The following SYNDIG1L variants were observed in gnomAD, a reference collection of about 807,000 sequenced individuals.
SYNDIG1L encodes synapse differentiation-inducing gene protein 1-like.
Under a neutral mutation model 20.1 loss-of-function variants are expected in SYNDIG1L, and 13 were observed. That is an observed-to-expected ratio of 0.65 (90% CI 0.42 to 1.03). The LOEUF (loss-of-function observed/expected upper bound fraction) is 1.03, where lower values mean the gene tolerates loss of function less well. SYNDIG1L is among the 50% of genes least tolerant of loss of function. SYNDIG1L has a pLI of 0.00. For missense variants in SYNDIG1L, 294 were observed against 305.1 expected (o/e 0.96, Z 0.27); for synonymous variants, 128 against 129.3 (o/e 0.99, Z 0.07).
At chr14:74,448,514 A>G in the SYNDIG1L span, among the ~76,000 whole-genome samples, 232 of 152,288 alleles carry the variant, frequency 1.5e-3, no homozygotes, top group African/African-American at 5.3e-3. Context: ...ATAGAATTGC[A>G]AGAAGAAACA....
chr14:74,417,489 A>T (rs1017078817), intron 1 of SYNDIG1L, among the ~76,000 whole-genome samples: 20 of 152,248 alleles, frequency 1.3e-4, no homozygotes, highest in African/African-American at 4.8e-4. Flanking sequence ...ACCCTGTAAA[A>T]TGGTAACAGC....
chr14:74,475,229 T>C, the SYNDIG1L span, among the ~76,000 whole-genome samples: 1 of 151,614 alleles, frequency 6.6e-6, no homozygotes, highest in African/African-American at 2.4e-5. Flanking sequence ...ATAATAATAA[T>C]ACTAACGACC....
the SYNDIG1L span, among the ~76,000 whole-genome samples, chr14:74,454,552 T>C: frequency 8.6e-5 from 13 of 151,998 alleles, no homozygotes; most frequent in Middle Eastern, 3.4e-3. Context: ...ATAGGCACAA[T>C]GCCAAAAACC....
upstream of SYNDIG1L, among the ~76,000 whole-genome samples, chr14:74,429,865 G>A (rs1346338341): frequency 6.6e-6 from 1 of 152,192 alleles, no homozygotes; most frequent in Non-Finnish European, 1.5e-5. Flanking sequence ...AGGCCCTTTG[G>A]TTTGAGGCAG....
At chr14:74,439,458 G>A in the SYNDIG1L span, among the ~76,000 whole-genome samples, 1 of 152,108 alleles carries the variant, frequency 6.6e-6, no homozygotes, top group East Asian at 1.9e-4. Flanking sequence ...CATGAGTCTT[G>A]GCTTGAGTGT....
chr14:74,434,465 G>A, the SYNDIG1L span, among the ~76,000 whole-genome samples: 3 of 152,068 alleles, frequency 2.0e-5, no homozygotes, highest in Admixed American at 1.3e-4. Context: ...CAGAAAAAAG[G>A]AAGGCAAATA....
chr14:74,426,526 C>A (rs1489942045), upstream of SYNDIG1L, among the ~76,000 whole-genome samples: 1 of 152,194 alleles, frequency 6.6e-6, no homozygotes, highest in African/African-American at 2.4e-5. Context: ...AGCTCCTAGG[C>A]TCCAAAGCCA....
In SYNDIG1L at chr14:74,418,068, G is replaced by A. The variant is rs577565547; in HGVS notation, c.-58+7844C>T. On this transcript the variant is annotated intron_variant, in intron 1 of 3. Transcript: ENST00000331628. Reference sequence around the variant, plus strand: ...TAAATGTAAATTATTAAAATCCAGGGAAAAGGTGAAATCTTTTAGAACAGG... The same window carrying A: ...TAAATGTAAATTATTAAAATCCAGGAAAAAGGTGAAATCTTTTAGAACAGG... Among the ~76,000 whole-genome samples the A allele has an allele frequency of 1.1e-4, 17 of 152,294 alleles. No individual in the cohort carries two copies. In the East Asian group the frequency reaches 1.5e-3, roughly 14 times the overall value.
intron 1 of SYNDIG1L, among the ~76,000 whole-genome samples, chr14:74,422,314 G>A (rs1035855744): frequency 1.7e-4 from 26 of 152,140 alleles, no homozygotes; most frequent in African/African-American, 5.1e-4. Flanking sequence ...CGGGGGTGAA[G>A]ATCAGTCTTT....
chr14:74,463,021 G>A, the SYNDIG1L span, among the ~76,000 whole-genome samples: 33 of 152,168 alleles, frequency 2.2e-4, no homozygotes, highest in African/African-American at 7.5e-4. Context: ...CGGATCATGG[G>A]GGACATTTGG....
At chr14:74,455,108 C>T in the SYNDIG1L span, among the ~76,000 whole-genome samples, 1 of 152,212 alleles carries the variant, frequency 6.6e-6, no homozygotes, top group African/African-American at 2.4e-5. Context: ...AGTGTCAGCT[C>T]CTGCCTGAGA....
Position 74,413,336 on chromosome 14 carries a change from A to C in SYNDIG1L, c.-57-3535T>G, listed in dbSNP as rs1420093272. Among the ~76,000 whole-genome samples, 8 of 152,296 alleles carry C rather than the reference A, an allele frequency of 5.3e-5. No homozygotes were observed. The East Asian group carries it at 1.5e-3, about 29-fold the overall frequency. On this transcript the variant is annotated intron_variant, in intron 1 of 3. Coordinates refer to ENST00000331628, the MANE Select transcript of SYNDIG1L (RefSeq NM_001105579.2). ...GTCCTGGCTTTACACAATATGAAAAACTGGAAGCCACCTAAACGTCCAGCA... is the reference window on the plus strand; with the variant it reads ...GTCCTGGCTTTACACAATATGAAAACCTGGAAGCCACCTAAACGTCCAGCA...
intron 1 of SYNDIG1L, among the ~76,000 whole-genome samples, chr14:74,418,738 C>T (rs2086197694): frequency 1.3e-5 from 2 of 152,178 alleles, no homozygotes; most frequent in South Asian, 2.1e-4. Context: ...TCTGAGGCCA[C>T]CATGCTGGAA....
intron 1 of SYNDIG1L, 95 bp from the exon 2 acceptor site, chr14:74,409,896 C>T (rs1341601518): frequency 5.9e-6 from 6 of 1,015,960 alleles, no homozygotes; most frequent in Non-Finnish European, 7.7e-6. Flanking sequence ...TCTGACTTGG[C>T]TCAAACTCTG....
At chr14:74,407,791 C>T in intron 3 of SYNDIG1L, 58 bp downstream of exon 3, 1 of 1,580,344 alleles carries the variant, frequency 6.3e-7, no homozygotes, top group Admixed American at 1.8e-5. Flanking sequence ...GACGGGATGC[C>T]AAGCCCTCCA....
chr14:74,466,020 G>A, the SYNDIG1L span, among the ~76,000 whole-genome samples: 1 of 152,188 alleles, frequency 6.6e-6, no homozygotes, highest in African/African-American at 2.4e-5. Flanking sequence ...TCATAGGAAC[G>A]GTCCATTATC....
At chr14:74,467,976 T>TC in the SYNDIG1L span, among the ~76,000 whole-genome samples, 18 of 151,806 alleles carry the variant, frequency 1.2e-4, no homozygotes, top group Non-Finnish European at 1.2e-4. Context: ...TGGCCTAGCA[T>TC]CCTGGGGATC....
intron 1 of SYNDIG1L, among the ~76,000 whole-genome samples, chr14:74,418,303 G>T (rs1455045929): frequency 1.3e-5 from 2 of 152,204 alleles, no homozygotes; most frequent in Non-Finnish European, 2.9e-5. Context: ...GGGTGGCGAG[G>T]GGGGCGAGGT....
chr14:74,452,673 T>G, the SYNDIG1L span, among the ~76,000 whole-genome samples: 1 of 152,206 alleles, frequency 6.6e-6, no homozygotes, highest in South Asian at 2.1e-4. Context: ...AGAAAACAGT[T>G]TGTCCATTTC....
Sources: gnomAD v4.1 joint callset for allele counts (sites outside exome capture counted in the v4.1 genomes callset) on GRCh38, gnomAD v4.1.1 for gene constraint, MANE v1.5 for transcripts, NCBI Gene and HGNC (gene_info 2026-07-23, HGNC 2026-07-21) for gene names.